Variants in TTLL11 observed in about 807,000 individuals in gnomAD.
The protein encoded by TTLL11 is tubulin polyglutamylase TTLL11.
TTLL11 carries 42 observed loss-of-function variants against 51.7 expected under a neutral mutation model. That is an observed-to-expected ratio of 0.81 (90% confidence interval 0.64 to 1.05). The LOEUF is 1.05. Among genes scored for constraint, TTLL11 ranks in the 50% least tolerant of loss-of-function variants. TTLL11 has a pLI of 0.00. For synonymous variants in TTLL11, 381 were observed against 383.5 expected, an observed-to-expected ratio of 0.99 and a Z score of 0.08; for missense variants, 799 against 940.4, an observed-to-expected ratio of 0.85 and a Z score of 1.97.
intron 6 of TTLL11, among the ~76,000 whole-genome samples, chr9:121,940,622 G>A (rs1028826846): frequency 6.6e-6 from 1 of 152,066 alleles, no homozygotes. Context: ...ACAGGCATGA[G>A]CCACCATGCC....
At position 121,989,545 on chromosome 9, in the gene TTLL11, A is replaced by G. The variant is rs1347840745; in HGVS notation, c.919T>C (p.Leu307=). The change falls in exon 4 of 9, where the codon TTA becomes CTA. Residue 307 remains leucine, a synonymous_variant. Coordinates refer to ENST00000321582, the MANE Select transcript of TTLL11 (RefSeq NM_001139442.2). The surrounding 1 kb of genome is among the most constrained non-coding windows in gnomAD (Gnocchi z 4.2). The stretch of plus-strand genomic sequence containing the variant: ...GCTATATAAATCTCTAAGGGGTCTA[A>G]GGACTTGAGTAAGACATACAGACGA... ...DIRLYVLLKS[L]DPLEIYIAKD... The G allele has an allele frequency of 6.2e-7, 1 of 1,614,174 alleles. No homozygotes were observed. The highest frequency in any genetic ancestry group is 8.5e-7 in the Non-Finnish European group (1 of 1,180,042).
rs551152066 is a variant in TTLL11, at chr9:121,946,428, C to A, written c.1481+27581G>T. Among the ~76,000 whole-genome samples, 369 of 152,312 alleles carry A rather than the reference C, an allele frequency of 2.4e-3. 2 individuals carry two copies. Among genetic ancestry groups the A allele is most frequent in the African/African-American group, 8.6e-3 (357 of 41,566 alleles). On this transcript the variant is annotated intron_variant, in intron 6 of 8. Transcript: ENST00000321582. ...ACACGCACACAGCCCTCTGGTTTTG[C>A]CACAGCTCATGGCCGACTAGGCAAA...
At chr9:121,911,962 T>C (rs1246638584) in intron 6 of TTLL11, among the ~76,000 whole-genome samples, 1 of 152,076 alleles carries the variant, frequency 6.6e-6, no homozygotes, top group African/African-American at 2.4e-5. Context: ...GAATAACCCT[T>C]TGAGGGAAGC....
At chr9:122,027,561 T>A (rs926401156) in intron 3 of TTLL11, among the ~76,000 whole-genome samples, 1 of 152,234 alleles carries the variant, frequency 6.6e-6, no homozygotes, top group Non-Finnish European at 1.5e-5. Flanking sequence ...TTTCAGTCAC[T>A]GTGTAAGATG....
intron 1 of TTLL11, among the ~76,000 whole-genome samples, chr9:122,042,667 C>T (rs1043616123): frequency 2.6e-5 from 4 of 152,188 alleles, no homozygotes; most frequent in African/African-American, 9.6e-5. Context: ...AACTTGGAAG[C>T]AGCTGAGATG....
chr9:121,920,629 G>A (rs551707012), intron 6 of TTLL11, among the ~76,000 whole-genome samples: 1 of 152,324 alleles, frequency 6.6e-6, no homozygotes, highest in East Asian at 1.9e-4. Flanking sequence ...CTTCGTACCT[G>A]AAGAGATGGC....
rs963275055 is a variant in TTLL11 at position 121,816,229 on chromosome 9, G to C, written c.*6358C>G. On this transcript the variant is annotated 3_prime_UTR_variant, in exon 9 of 9. Coordinates refer to ENST00000321582, the MANE Select transcript of TTLL11 (RefSeq NM_001139442.2). ...TTCACGGCCTCCTCTGGGATTCTCA[G>C]CCCTCGCTTTCCCCATTCTGATGCA... The C allele has an allele frequency of 6.6e-6, 1 of 152,218 alleles. No individual in the cohort carries two copies. The highest frequency in any genetic ancestry group is 2.4e-5 in the African/African-American group (1 of 41,448). The allele number at this position is 152,218 out of a possible 1,614,324, so 9.4% of individuals were successfully genotyped here.
At chr9:122,006,977 C>CTG (rs1173707605) in intron 3 of TTLL11, among the ~76,000 whole-genome samples, 1 of 82,992 alleles carries the variant, frequency 1.2e-5, no homozygotes, top group Non-Finnish European at 2.1e-5. Context: ...GCGAGATACT[C>CTG]TGTCAAAAAA....
At chr9:121,902,281 C>T (rs1467689612) in intron 6 of TTLL11, among the ~76,000 whole-genome samples, 1 of 152,204 alleles carries the variant, frequency 6.6e-6, no homozygotes, top group East Asian at 1.9e-4. Flanking sequence ...CTATGATGAA[C>T]ATATTTTCCT....
chr9:122,087,551 T>C (rs1310951475), intron 1 of TTLL11, among the ~76,000 whole-genome samples: 1 of 152,184 alleles, frequency 6.6e-6, no homozygotes, highest in East Asian at 1.9e-4. Context: ...CAGGGGCTTA[T>C]TCAAACTATC....
rs1379325537 is a variant in TTLL11 at position 122,031,751 on chromosome 9, G to C, written c.665C>G (p.Pro222Arg). ...AGCAACAAAGAGCTGGAACTCGTCA[G>C]GCAGAATCCATGAGCGAGGGTAGAA... ...YNFYPRSWIL[P>R]DEFQLFVAQV... is the part of the protein sequence containing the mutation. Residue 222 changes from proline (P) to arginine (R), a missense_variant, in exon 3 of 9, where the codon CCT (proline) becomes CGT (arginine). Around this residue, in one of 3 missense-constraint regions of TTLL11, gnomAD observed 468 missense variants for 612.8 expected, o/e 0.76. Coordinates refer to ENST00000321582, the MANE Select transcript of TTLL11 (RefSeq NM_001139442.2). 6.2e-7 allele frequency: 1 copy of C among 1,613,054 alleles called. No homozygotes were observed. Among genetic ancestry groups the C allele is most frequent in the Admixed American group, 1.7e-5 (1 of 60,030 alleles).
intron 1 of TTLL11, among the ~76,000 whole-genome samples, chr9:122,086,526 A>G (rs1264098415): frequency 6.6e-6 from 1 of 152,146 alleles, no homozygotes; most frequent in Non-Finnish European, 1.5e-5. Context: ...TTCATTTTAT[A>G]CTCTACCTTC....
At chr9:121,844,873 G>A (rs1217004473) in intron 8 of TTLL11, among the ~76,000 whole-genome samples, 7 of 151,906 alleles carry the variant, frequency 4.6e-5, no homozygotes, top group Admixed American at 3.3e-4. Context: ...AGGAACAGTG[G>A]GACAATGACA....
At chr9:122,032,032 T>C (rs945924550) in intron 2 of TTLL11, among the ~76,000 whole-genome samples, 176 bp from the exon 3 acceptor site, 2 of 152,238 alleles carry the variant, frequency 1.3e-5, no homozygotes, top group African/African-American at 4.8e-5. Flanking sequence ...AAAGAACTAC[T>C]GAGTTAATGA....
intron 6 of TTLL11, among the ~76,000 whole-genome samples, chr9:121,893,357 T>C (rs1384970422): frequency 6.6e-6 from 1 of 151,984 alleles, no homozygotes; most frequent in African/African-American, 2.4e-5. Flanking sequence ...CATATGTGTG[T>C]GTGTGTGTGT....
chr9:122,026,567 T>C (rs56091347), intron 3 of TTLL11, among the ~76,000 whole-genome samples: 6,701 of 152,198 alleles, frequency 0.044, 172 homozygotes, highest in African/African-American at 0.073. Flanking sequence ...ATATATGAAA[T>C]GTATAAAACT....
intron 8 of TTLL11, among the ~76,000 whole-genome samples, chr9:121,846,681 C>T (rs1837523609): frequency 6.6e-6 from 1 of 152,010 alleles, no homozygotes; most frequent in Admixed American, 6.5e-5. Context: ...CATGTCTAAA[C>T]AACATATAGG....
intron 3 of TTLL11, among the ~76,000 whole-genome samples, chr9:121,990,613 G>A (rs762376007): frequency 9.9e-5 from 15 of 152,124 alleles, no homozygotes; most frequent in South Asian, 2.1e-4. Context: ...TCACTGTGTC[G>A]TTGTAAGGAT....
At chr9:121,996,431 T>C (rs73662557) in intron 3 of TTLL11, among the ~76,000 whole-genome samples, 5,281 of 152,080 alleles carry the variant, frequency 0.035, 314 homozygotes, top group African/African-American at 0.12. Context: ...CCCTTTGAGG[T>C]CCAGGAAGGA....
Sources: allele counts gnomAD v4.1 joint callset (sites outside exome capture counted in the v4.1 genomes callset), GRCh38; gene constraint gnomAD v4.1.1; regional missense constraint gnomAD v4.1.1; non-coding constraint Gnocchi (gnomAD v3.1); transcripts MANE v1.5; gene names NCBI Gene and HGNC (gene_info 2026-07-23, HGNC 2026-07-21).